The following AP1M1 variants were observed in gnomAD, a reference collection of about 807,000 sequenced individuals.
AP1M1 encodes the protein AP-1 complex subunit mu-1.
Under a neutral mutation model 57.1 loss-of-function variants are expected in AP1M1, and 18 were observed. That is an observed-to-expected ratio of 0.32 (90% confidence interval 0.22 to 0.47). The LOEUF (loss-of-function observed/expected upper bound fraction) is 0.47. Ranked by LOEUF, AP1M1 falls within the 20% of genes least tolerant of loss-of-function variation. AP1M1 has a pLI of 1.00. For synonymous variants in AP1M1, 241 were observed against 237.9 expected (o/e 1.01, Z -0.12); for missense variants, 362 against 593.5 (o/e 0.61, Z 4.05).
intron 9 of AP1M1, among the ~76,000 whole-genome samples, chr19:16,230,884 C>A (rs2091592908): frequency 1.3e-5 from 2 of 151,762 alleles, no homozygotes; most frequent in Non-Finnish European, 2.9e-5. Context: ...TCCTAAAAAC[C>A]AAAAGCAAAA....
chr19:16,200,406 G>T (rs1032525290), intron 1 of AP1M1, among the ~76,000 whole-genome samples: 4 of 152,142 alleles, frequency 2.6e-5, no homozygotes, highest in Admixed American at 2.0e-4. Flanking sequence ...GGGAGAGAGG[G>T]ACCAAGGGGA....
Position 16,218,068 on chromosome 19 carries a change from ATTTCT to A in AP1M1, c.547-8350_547-8346del, listed in dbSNP as rs1410056458. 5.9e-5 allele frequency among the ~76,000 whole-genome samples: 9 copies of A among 152,310 alleles called. No homozygotes were observed. The South Asian group carries it at 1.7e-3, about 28-fold the overall frequency. ...AGAAGCTACCACCCACATTCTAGAA[ATTTCT>A]TTATAAACTGCCCCTTAATTTGCAT... On this transcript the variant is annotated intron_variant, in intron 5 of 11. Coordinates refer to ENST00000291439, the MANE Select transcript of AP1M1 (RefSeq NM_032493.4).
intron 5 of AP1M1, among the ~76,000 whole-genome samples, chr19:16,211,643 G>A (rs1177460624): frequency 6.6e-6 from 1 of 151,922 alleles, no homozygotes; most frequent in Non-Finnish European, 1.5e-5. Context: ...CCAGCTACTC[G>A]GGTGGCTGAG....
At position 16,233,543 on chromosome 19, in the gene AP1M1, G is replaced by A. The variant is rs2091608076; in HGVS notation, c.1098G>A (p.Glu366=). Reference sequence around the variant, plus strand: ...CCCACTTCGGCCTGCCTAGTGTGGAGGCCGAAGACAAGGAGGGCAAGCCCC... The same window carrying A: ...CCCACTTCGGCCTGCCTAGTGTGGAAGCCGAAGACAAGGAGGGCAAGCCCC... ...MRAHFGLPSV[E]AEDKEGKPPI... Residue 366 remains glutamate (E), a synonymous_variant, in exon 10 of 12, where the codon GAG becomes GAA. Coordinates refer to ENST00000291439, the MANE Select transcript of AP1M1 (RefSeq NM_032493.4). 1 of 1,607,664 alleles carries A rather than the reference G, an allele frequency of 6.2e-7. No homozygotes were observed. The highest frequency in any genetic ancestry group is 1.7e-5 in the Admixed American group (1 of 58,798).
intron 5 of AP1M1, among the ~76,000 whole-genome samples, chr19:16,218,455 C>T (rs1167702565): frequency 6.6e-6 from 1 of 152,194 alleles, no homozygotes; most frequent in Non-Finnish European, 1.5e-5. Context: ...GTTCAATTCA[C>T]CCCCTCCACA....
rs4808470 is a variant in AP1M1, at chr19:16,206,965, G to A, written c.267+557G>A. On this transcript the variant is annotated intron_variant, in intron 3 of 11. Transcript: ENST00000291439. The surrounding 1 kb of genome is among the most constrained non-coding windows in gnomAD (Gnocchi z 4.3). ...GAGGCTGAGGTCAGCTGGGAAGAGG[G>A]CGGATTATACAGGAGTGTGGATTTC... is the stretch of plus-strand genomic sequence containing the variant. Among the ~76,000 whole-genome samples the A allele has an allele frequency of 0.55, 83,459 of 152,066 alleles. 25,954 individuals are homozygous for A. Among genetic ancestry groups the A allele is most frequent in the Non-Finnish European group, 0.71 (48,345 of 67,960 alleles).
At chr19:16,205,399 C>T in intron 2 of AP1M1, among the ~76,000 whole-genome samples, 1 of 152,208 alleles carries the variant, frequency 6.6e-6, no homozygotes, top group Non-Finnish European at 1.5e-5. Flanking sequence ...GCCCCCACTG[C>T]CCCTGCTTAT....
Position 16,240,441 on chromosome 19 carries a change from T to C in AP1M1, c.*6006T>C, listed in dbSNP as rs780360389. The C allele has an allele frequency of 3.3e-5, 5 of 152,016 alleles. No individual in the cohort carries two copies. The highest frequency in any genetic ancestry group is 4.8e-5 in the African/African-American group (2 of 41,392). The allele number at this position is 152,016 out of a possible 1,614,324, so 9.4% of individuals were successfully genotyped here. On this transcript the variant is annotated 3_prime_UTR_variant, in exon 12 of 12. Transcript: ENST00000291439. ...CAGAATTTTCCAAAATTAATGAAAA[T>C]CTTGAAGTGTTTTTTGTTTTTCATT... is the stretch of plus-strand genomic sequence containing the variant.
chr19:16,221,811 C>T (rs968763606), intron 5 of AP1M1, among the ~76,000 whole-genome samples: 1 of 152,242 alleles, frequency 6.6e-6, no homozygotes, highest in African/African-American at 2.4e-5. Flanking sequence ...CTCAGCCTCC[C>T]GAGTAGCTGG....
Position 16,228,320 on chromosome 19 carries a change from T to C in AP1M1, c.888+112T>C, listed in dbSNP as rs1278291136. The C allele has an allele frequency of 9.2e-7, 1 of 1,086,334 alleles. No homozygotes were observed. Among genetic ancestry groups the C allele is most frequent in the Non-Finnish European group, 1.4e-6 (1 of 735,022 alleles). The allele number at this position is 1,086,334 out of a possible 1,614,324, so 67.3% of individuals were successfully genotyped here. On this transcript the variant is annotated intron_variant, in intron 8 of 11. Coordinates refer to ENST00000291439, the MANE Select transcript of AP1M1 (RefSeq NM_032493.4). The surrounding 1 kb of genome is among the most constrained non-coding windows in gnomAD (Gnocchi z 5.0). ...GGCTGCCATCCGTGCACCCTCACTGTGGCCTCAGATGCAGGAGTGACCTGA... is the reference window on the plus strand; with the variant it reads ...GGCTGCCATCCGTGCACCCTCACTGCGGCCTCAGATGCAGGAGTGACCTGA...
At chr19:16,219,388 T>C (rs2091532394) in intron 5 of AP1M1, among the ~76,000 whole-genome samples, 1 of 78,028 alleles carries the variant, frequency 1.3e-5, no homozygotes, top group East Asian at 3.8e-4. Flanking sequence ...AAATTCATTT[T>C]TGTTTTTTTG....
In AP1M1 at chr19:16,207,910, G is replaced by A. The variant is rs2145118258; in HGVS notation, c.268-109G>A. The A allele has an allele frequency of 7.1e-7, 1 of 1,400,664 alleles. No homozygotes were observed. The highest frequency in any genetic ancestry group is 9.7e-7 in the Non-Finnish European group (1 of 1,026,850). The allele number at this position is 1,400,664 out of a possible 1,614,324, so 86.8% of individuals were successfully genotyped here. ...CACCACCGAGCCTGGGAAGTAGGCT[G>A]TTGGTAGGACTTAGCGGGCAAATGA... On this transcript the variant is annotated intron_variant, in intron 3 of 11. Transcript: ENST00000291439. The surrounding 1 kb of genome is among the most constrained non-coding windows in gnomAD (Gnocchi z 4.2).
At chr19:16,224,509 C>A (rs1452489098) in intron 5 of AP1M1, among the ~76,000 whole-genome samples, 2 of 152,366 alleles carry the variant, frequency 1.3e-5, no homozygotes, top group East Asian at 3.9e-4. Context: ...CTGGTACTTA[C>A]ACAGCCGGGC....
chr19:16,197,983 G>GCCGCCACCGCCCTCGGCCGCTGCCT lies in AP1M1; in HGVS notation c.-20_-19insTCCGCCACCGCCCTCGGCCGCTGCC. The GCCGCCACCGCCCTCGGCCGCTGCCT allele has an allele frequency of 6.5e-7, 1 of 1,533,590 alleles. No individual in the cohort carries two copies. Among genetic ancestry groups the GCCGCCACCGCCCTCGGCCGCTGCCT allele is most frequent in the Non-Finnish European group, 8.8e-7 (1 of 1,141,120 alleles). The allele number at this position is 1,533,590 out of a possible 1,614,324, so 95.0% of individuals were successfully genotyped here. A position where few individuals can be genotyped will look rare whatever the true frequency, so the allele number is the denominator to read the frequency against. On this transcript the variant is annotated 5_prime_UTR_variant, in exon 1 of 12. Coordinates refer to ENST00000291439, the MANE Select transcript of AP1M1 (RefSeq NM_032493.4). ...CCCAGCAGTCCCCACCGTCGCTGCC[G>GCCGCCACCGCCCTCGGCCGCTGCCT]CCGCCACCGCCCTCGGCCGCTGCCG...
chr19:16,211,249 A>G (rs1248281932), intron 5 of AP1M1, among the ~76,000 whole-genome samples: 2 of 151,992 alleles, frequency 1.3e-5, no homozygotes, highest in African/African-American at 4.8e-5. Context: ...GCATGCCACC[A>G]TGCCCGGCTA....
chr19:16,232,272 T>C (rs2091602112), intron 9 of AP1M1, among the ~76,000 whole-genome samples: 1 of 152,224 alleles, frequency 6.6e-6, no homozygotes, highest in Admixed American at 6.5e-5. Flanking sequence ...CACTGTGCCT[T>C]TGTGGCGTCG....
intron 5 of AP1M1, among the ~76,000 whole-genome samples, chr19:16,222,593 CTTTTTGTTTG>C (rs2091550967): frequency 1.3e-5 from 1 of 75,068 alleles, no homozygotes; most frequent in South Asian, 4.0e-4. Flanking sequence ...TGATTCTTCT[CTTTTTGTTTG>C]TTTTTGTTTT....
At chr19:16,233,137 G>T (rs1294717038) in intron 9 of AP1M1, among the ~76,000 whole-genome samples, 1 of 152,198 alleles carries the variant, frequency 6.6e-6, no homozygotes, top group African/African-American at 2.4e-5. Context: ...TCCCATGGCC[G>T]GTCTGTCTAG....
intron 5 of AP1M1, among the ~76,000 whole-genome samples, chr19:16,221,197 G>A (rs1006334199): frequency 2.0e-5 from 3 of 151,950 alleles, no homozygotes; most frequent in Non-Finnish European, 2.9e-5. Context: ...GCACAATCTT[G>A]GCTCACTGCA....
Sources: gnomAD v4.1 joint callset for allele counts (sites outside exome capture counted in the v4.1 genomes callset) on GRCh38, gnomAD v4.1.1 for gene constraint, Gnocchi (gnomAD v3.1) non-coding constraint, MANE v1.5 for transcripts, NCBI Gene and HGNC (gene_info 2026-07-23, HGNC 2026-07-21) for gene names.